The following CSAD variants were observed in gnomAD, a reference collection of about 807,000 sequenced individuals.
CSAD encodes P-selectin cytoplasmic tail-associated protein.
In CSAD, 47 loss-of-function variants were observed where a neutral mutation model predicts 61.5. The observed-to-expected ratio is 0.76, with a 90% CI of 0.60 to 0.97. The LOEUF is 0.97. Ranked by LOEUF, CSAD falls within the 50% of genes least tolerant of loss-of-function variation. The probability of loss-of-function intolerance (pLI) is 0.00; values close to 1 mark genes in which losing one functional copy is unlikely to be tolerated. For missense variants in CSAD, 611 were observed against 643.6 expected, an observed-to-expected ratio of 0.95 and a Z score of 0.55; for synonymous variants, 245 against 252.7, an observed-to-expected ratio of 0.97 and a Z score of 0.29.
intron 10 of CSAD, among the ~76,000 whole-genome samples, chr12:53,167,023 T>C (rs572003330): frequency 2.1e-4 from 32 of 152,316 alleles, no homozygotes; most frequent in African/African-American, 7.7e-4. Context: ...TGTAGAGCTA[T>C]ACCTGCTCAT....
chr12:53,180,591 C>T (rs2121526534), intron 1 of CSAD, 141 bp downstream of exon 1: 1 of 1,285,268 alleles, frequency 7.8e-7, no homozygotes, highest in East Asian at 5.8e-5. Flanking sequence ...CCGTGCGTCC[C>T]CAAGCTCACC....
At chr12:53,172,214 A>G (rs921775257) in intron 6 of CSAD, 132 bp downstream of exon 6, 6 of 928,430 alleles carry the variant, frequency 6.5e-6, no homozygotes, top group Non-Finnish European at 1.0e-5. Flanking sequence ...TATGAGGAAA[A>G]ACTCTCTGCC....
intron 10 of CSAD, among the ~76,000 whole-genome samples, chr12:53,165,595 G>T (rs1198978790): frequency 6.7e-6 from 1 of 149,094 alleles, no homozygotes. Flanking sequence ...CCTGGGAGGC[G>T]GAGCTTGCAG....
chr12:53,169,139 C>T (rs1164174981), intron 10 of CSAD, among the ~76,000 whole-genome samples: 1 of 151,848 alleles, frequency 6.6e-6, no homozygotes, highest in African/African-American at 2.4e-5. Flanking sequence ...GAGATCGTGC[C>T]ATTGCACTCC....
Position 53,160,853 on chromosome 12 carries a change from G to T in CSAD, c.885-9C>A. 1 of 1,551,526 alleles carries T rather than the reference G, an allele frequency of 6.4e-7. No individual in the cohort carries two copies. The highest frequency in any genetic ancestry group is 8.7e-7 in the Non-Finnish European group (1 of 1,146,814). ...AGGCCACAGAGTCAGCCCTGGATGG[G>T]GTGGAGCAAAGGCAGGTCAGTGGCT... On this transcript the variant is annotated splice_polypyrimidine_tract_variant and intron_variant, in intron 12 of 16. Transcript: ENST00000444623.
At chr12:53,181,010 C>G (rs943655504), upstream of CSAD, 6 of 858,828 alleles carry the variant, frequency 7.0e-6, no homozygotes, top group Non-Finnish European at 8.8e-6. Context: ...CGCACACCGC[C>G]CCCTGCCCGC....
At chr12:53,180,018 G>A (rs2121525420) in intron 1 of CSAD, 1 of 1,441,176 alleles carries the variant, frequency 6.9e-7, no homozygotes, top group Admixed American at 3.0e-5. Context: ...ACGGCCTGGA[G>A]TAAAGGGCGA....
In CSAD at chr12:53,171,935, C is replaced by T. The variant is rs1369234918; in HGVS notation, c.398G>A (p.Arg133Lys). 1.2e-6 allele frequency: 2 copies of T among 1,613,838 alleles called. No individual in the cohort carries two copies. The highest frequency in any genetic ancestry group is 2.7e-5 in the African/African-American group (2 of 74,878). ...VFVLMEEEVL[R>K]KLRALVGWSS... ...CCAGCCCACCAGGGCCCGCAGTTTC[C>T]TCAGCACCTCCTCTTCCATGAGCAC... Residue 133 changes from arginine to lysine, a missense_variant, in exon 7 of 17, where the codon AGG (arginine) becomes AAG (lysine). Physicochemically the swap from Arg to Lys is conservative, Grantham distance 26. Transcript: ENST00000444623.
chr12:53,178,361 C>T (rs1363281890), intron 2 of CSAD: 1 of 455,756 alleles, frequency 2.2e-6, no homozygotes, highest in South Asian at 1.5e-5. Context: ...GCACAGTTGC[C>T]CACATCTGTA....
intron 3 of CSAD, 73 bp downstream of exon 3, chr12:53,173,655 G>C: frequency 7.0e-7 from 1 of 1,438,102 alleles, no homozygotes; most frequent in East Asian, 2.3e-5. Context: ...GAACAGGTGG[G>C]AGAGAAAAGG....
intron 2 of CSAD, among the ~76,000 whole-genome samples, chr12:53,178,776 C>T (rs974080725): frequency 2.0e-5 from 3 of 151,490 alleles, no homozygotes; most frequent in Non-Finnish European, 4.4e-5. Flanking sequence ...CAGAGTGAGA[C>T]TCCATCTCAA....
Position 53,162,324 on chromosome 12 carries a change from C to T in CSAD, c.703-935G>A, listed in dbSNP as rs1939381486. ...GTGGCTCACACCTGTAATCCCAGCA[C>T]TTTGGGAGGCCGACGCGGGTGGATC... On this transcript the variant is annotated intron_variant, in intron 10 of 16. Transcript: ENST00000444623. Among the ~76,000 whole-genome samples, 3 of 152,064 alleles carry T rather than the reference C, an allele frequency of 2.0e-5. No individual in the cohort carries two copies. The South Asian group carries it at 6.2e-4, about 32-fold the overall frequency.
At chr12:53,178,239 G>A (rs1028423654) in intron 2 of CSAD, 19 of 396,252 alleles carry the variant, frequency 4.8e-5, no homozygotes, top group Non-Finnish European at 7.5e-5. Context: ...CTAGGAGGCC[G>A]AGGCCAATGG....
intron 10 of CSAD, among the ~76,000 whole-genome samples, chr12:53,163,841 C>T (rs1939584982): frequency 6.6e-6 from 1 of 152,210 alleles, no homozygotes; most frequent in South Asian, 2.1e-4. Flanking sequence ...AGGACTCACA[C>T]ATCCTGATTT....
chr12:53,172,440 GAGA>G lies in CSAD; in HGVS notation c.254-7_254-5del, dbSNP rs1195308654. 1.2e-6 allele frequency: 2 copies of G among 1,614,174 alleles called. No individual in the cohort carries two copies. Among genetic ancestry groups the G allele is most frequent in the South Asian group, 1.1e-5 (1 of 91,086 alleles). ...TGGTTGAAGAACCGAGGGTGACCTG[GAGA>G]AGGAGAGTAAGCCAGGGAGCTCAGA... On this transcript the variant is annotated splice_polypyrimidine_tract_variant and splice_region_variant and intron_variant, in intron 5 of 16. Transcript: ENST00000444623.
chr12:53,164,555 C>T (rs943612126), intron 10 of CSAD: 2 of 153,756 alleles, frequency 1.3e-5, no homozygotes, highest in African/African-American at 4.8e-5. Context: ...AAGATGGGAA[C>T]AAAAGACAGT....
At chr12:53,170,676 A>G (rs2121512460) in intron 8 of CSAD, 174 bp from the exon 9 acceptor site, 1 of 627,044 alleles carries the variant, frequency 1.6e-6, no homozygotes. Context: ...GTTCTGGTCC[A>G]CTAGGTCTGG....
Position 53,159,953 on chromosome 12 carries a change from T to C in CSAD, c.1167-15A>G, listed in dbSNP as rs1284177124. On this transcript the variant is annotated splice_polypyrimidine_tract_variant and intron_variant, in intron 14 of 16. Coordinates refer to ENST00000444623, the MANE Select transcript of CSAD (RefSeq NM_001244705.2). Reference sequence around the variant, plus strand: ...CCACCAGGTACCTGTGAACAGAGAGTGAGAAACCATAGGCGGGGAGGAAAA... The same window carrying C: ...CCACCAGGTACCTGTGAACAGAGAGCGAGAAACCATAGGCGGGGAGGAAAA... 1 of 1,603,642 alleles carries C rather than the reference T, an allele frequency of 6.2e-7. No homozygotes were observed. The highest frequency in any genetic ancestry group is 1.7e-5 in the Admixed American group (1 of 58,558).
Position 53,159,658 on chromosome 12 carries a change from G to A in CSAD, c.1273C>T (p.Gln425Ter). ...CTTTCGTGGTAATCTGGACTCTCCT[G>A]CTTCCCTCGCAGGCTGGGGGGTACG... is the stretch of plus-strand genomic sequence containing the variant. ...WFVPPSLRGK[Q>*]ESPDYHERLS... The change falls in exon 16 of 17, where the codon CAG (glutamine) becomes TAG (stop). Residue 425 changes from glutamine (Q) to a stop codon, truncating the protein, a stop_gained. Coordinates refer to ENST00000444623, the MANE Select transcript of CSAD (RefSeq NM_001244705.2). LOFTEE classifies it high-confidence loss of function. The A allele has an allele frequency of 6.2e-7, 1 of 1,611,824 alleles. No homozygotes were observed.
Sources: gnomAD v4.1 joint callset for allele counts (sites outside exome capture counted in the v4.1 genomes callset) on GRCh38, gnomAD v4.1.1 for gene constraint, MANE v1.5 for transcripts, NCBI Gene and HGNC (gene_info 2026-07-23, HGNC 2026-07-21) for gene names.